ATF6B: variants seen among roughly 807,000 people sequenced by gnomAD.
ATF6B encodes the protein cyclic AMP-dependent transcription factor ATF-6 beta.
Under a neutral mutation model 83.5 loss-of-function variants are expected in ATF6B, and 50 were observed. The ratio of observed to expected loss-of-function variants is 0.60; its 90% CI spans 0.48 to 0.76. The LOEUF (loss-of-function observed/expected upper bound fraction) is 0.76. Ranked by LOEUF, ATF6B falls within the 30% of genes least tolerant of loss-of-function variation. The pLI is 0.00. For missense variants in ATF6B, 790 were observed against 893.8 expected (o/e 0.88, Z 1.48); for synonymous variants, 344 against 362.8 (o/e 0.95, Z 0.59).
rs1562903671 is a variant in ATF6B, at chr6:32,117,840, C to T, written c.1424+19G>A. ...CTCATACCCTCAAACGAGAGGGGGCCCTCTCTCTCTCTCCTCACCTGAAAC... is the reference window on the plus strand; with the variant it reads ...CTCATACCCTCAAACGAGAGGGGGCTCTCTCTCTCTCTCCTCACCTGAAAC... On this transcript the variant is annotated intron_variant, in intron 12 of 17. Transcript: ENST00000375203. This position sits in a 1 kb window ranked among gnomAD's most constrained non-coding sequence, Gnocchi z 5.0. 7.1e-6 allele frequency: 11 copies of T among 1,547,720 alleles called. No homozygotes were observed. Among genetic ancestry groups the T allele is most frequent in the Middle Eastern group, 1.9e-4 (1 of 5,348 alleles).
Position 32,119,794 on chromosome 6 carries a change from C to G in ATF6B, c.966+30G>C. On this transcript the variant is annotated intron_variant, in intron 9 of 17. Coordinates refer to ENST00000375203, the MANE Select transcript of ATF6B (RefSeq NM_004381.5). The surrounding 1 kb of genome is among the most constrained non-coding windows in gnomAD (Gnocchi z 4.9). ...ACTTCCCTCTTCCCTTCCCATCACTCGCCCTACTTCTCTCCTCCCCAACAC... is the reference window on the plus strand; with the variant it reads ...ACTTCCCTCTTCCCTTCCCATCACTGGCCCTACTTCTCTCCTCCCCAACAC... 6.2e-7 allele frequency: 1 copy of G among 1,609,180 alleles called. No homozygotes were observed. Among genetic ancestry groups the G allele is most frequent in the South Asian group, 1.1e-5 (1 of 90,572 alleles).
intron 1 of ATF6B, 26 bp downstream of exon 1, chr6:32,128,091 G>A (rs1245599899): frequency 1.2e-6 from 2 of 1,611,156 alleles, no homozygotes; most frequent in East Asian, 4.5e-5. Flanking sequence ...GTTTGCCACA[G>A]CCCTCTCCCC....
At chr6:32,120,567 C>T in intron 8 of ATF6B, 1 of 495,202 alleles carries the variant, frequency 2.0e-6, no homozygotes, top group South Asian at 3.4e-5. Context: ...TCTCCTGCCT[C>T]AGCCTCCCGA....
chr6:32,121,139 C>G lies in ATF6B; in HGVS notation c.565-15G>C. ...CCTATAAAAGCCTATGTGGGGCATT[C>G]CAGAGATACATTAGTCAGGAAGAGT... On this transcript the variant is annotated splice_polypyrimidine_tract_variant and intron_variant, in intron 6 of 17. Coordinates refer to ENST00000375203, the MANE Select transcript of ATF6B (RefSeq NM_004381.5). 1 of 1,599,290 alleles carries G rather than the reference C, an allele frequency of 6.3e-7. No individual in the cohort carries two copies. Among genetic ancestry groups the G allele is most frequent in the Non-Finnish European group, 8.5e-7 (1 of 1,172,122 alleles).
Position 32,118,782 on chromosome 6 carries a change from G to T in ATF6B, c.1237C>A (p.Pro413Thr). The T allele has an allele frequency of 6.2e-7, 1 of 1,614,192 alleles. No homozygotes were observed. The highest frequency in any genetic ancestry group is 8.5e-7 in the Non-Finnish European group (1 of 1,179,996). The change falls in exon 11 of 18, where the codon CCT (proline) becomes ACT (threonine). Residue 413 changes from proline to threonine, a missense_variant. Physicochemically the swap from Pro to Thr is conservative, Grantham distance 38. Transcript: ENST00000375203. This position sits in a 1 kb window ranked among gnomAD's most constrained non-coding sequence, Gnocchi z 5.2. ...FLLFIAFNFGPVSISEPPSAP... is the reference protein window; with the variant it reads ...FLLFIAFNFGTVSISEPPSAP... ...AAGCAAGGAAGGTCTCACCTGACAGGTCCAAAGTTGAAGGCAATGAAGAGA... is the reference window on the plus strand; with the variant it reads ...AAGCAAGGAAGGTCTCACCTGACAGTTCCAAAGTTGAAGGCAATGAAGAGA...
rs866795679 is a variant in ATF6B, at chr6:32,115,812, C to T, written c.2039G>A (p.Gly680Asp). The T allele has an allele frequency of 2.6e-5, 42 of 1,613,652 alleles. No homozygotes were observed. In the Middle Eastern group the frequency reaches 6.6e-4, roughly 25 times the overall value. Reference sequence around the variant, plus strand: ...GCTGGCTGCAGAGACTGGCAAGGGGCCACCTGTGGCATTGCCTGGGGTTGG... The same window carrying T: ...GCTGGCTGCAGAGACTGGCAAGGGGTCACCTGTGGCATTGCCTGGGGTTGG... ...PSPTPGNATG[G>D]PLPVSAASQA... is the part of the protein sequence containing the mutation. The change falls in exon 18 of 18, where the codon GGC (glycine) becomes GAC (aspartate). Residue 680 changes from glycine (G) to aspartate (D), a missense_variant. Coordinates refer to ENST00000375203, the MANE Select transcript of ATF6B (RefSeq NM_004381.5).
At position 32,128,202 on chromosome 6, in the gene ATF6B, C is replaced by T. The variant is rs1296219865; in HGVS notation, c.6G>A (p.Ala2=). 3 of 1,611,396 alleles carry T rather than the reference C, an allele frequency of 1.9e-6. No individual in the cohort carries two copies. The African/African-American group carries it at 4.0e-5, about 22-fold the overall frequency. The part of the protein sequence containing the change: M[A]ELMLLSEIAD... Reference sequence around the variant, plus strand: ...CAATCTCGCTGAGCAGCATCAGCTCCGCCATCTTTCCCCCCCACCCCCCAA... The same window carrying T: ...CAATCTCGCTGAGCAGCATCAGCTCTGCCATCTTTCCCCCCCACCCCCCAA... Residue 2 remains alanine, a synonymous_variant, in exon 1 of 18, where the codon GCG becomes GCA. Transcript: ENST00000375203.
intron 5 of ATF6B, among the ~76,000 whole-genome samples, chr6:32,124,546 C>T (rs565644071): frequency 3.5e-4 from 54 of 152,330 alleles, no homozygotes; most frequent in African/African-American, 1.3e-3. Flanking sequence ...CATATTACTT[C>T]CCTGCTTAAT....
chr6:32,116,483 TG>T lies in ATF6B; in HGVS notation c.1878del (p.Asn627MetfsTer16). ...KMSLVMPAMA[P>X]NETLSGRGAP... ...TACCCAGCAGGGAAAGAGTTACCAT[TG>T]GGGGCCATGGCAGGCATCACCAGGG... On this transcript the variant is annotated frameshift_variant, in exon 17 of 18. Transcript: ENST00000375203. LOFTEE classifies it high-confidence loss of function. This position sits in a 1 kb window ranked among gnomAD's most constrained non-coding sequence, Gnocchi z 5.1. 2.5e-6 allele frequency: 4 copies of T among 1,609,822 alleles called. No homozygotes were observed. Among genetic ancestry groups the T allele is most frequent in the Non-Finnish European group, 3.4e-6 (4 of 1,177,618 alleles).
At chr6:32,124,609 G>C (rs1159583443) in intron 5 of ATF6B, among the ~76,000 whole-genome samples, 1 of 152,128 alleles carries the variant, frequency 6.6e-6, no homozygotes, top group Non-Finnish European at 1.5e-5. Context: ...CCCCTTAGCA[G>C]GGGCCCCACC....
rs1301144096 is a variant in ATF6B at position 32,118,081 on chromosome 6, G to A, written c.1245-43C>T. On this transcript the variant is annotated intron_variant, in intron 11 of 17. Transcript: ENST00000375203. This position sits in a 1 kb window ranked among gnomAD's most constrained non-coding sequence, Gnocchi z 5.2. The stretch of plus-strand genomic sequence containing the variant: ...CTGAGCACAATGAAGAATTTCAGCT[G>A]TATCAAGTATCTAGGTAAGAATAAA... The A allele has an allele frequency of 8.7e-6, 14 of 1,609,874 alleles. No homozygotes were observed. The highest frequency in any genetic ancestry group is 2.7e-5 in the African/African-American group (2 of 74,834).
rs1781553173 is a variant in ATF6B, at chr6:32,116,942, G to A, written c.1685+95C>T. The A allele has an allele frequency of 5.2e-6, 8 of 1,533,238 alleles. No individual in the cohort carries two copies. The Admixed American group carries it at 1.4e-4, about 26-fold the overall frequency. The allele number at this position is 1,533,238 out of a possible 1,614,324, so 95.0% of individuals were successfully genotyped here. A position where few individuals can be genotyped will look rare whatever the true frequency, so the allele number is the denominator to read the frequency against. ...TGGAGGAGGGAGGTATAATCCCACTGGTGACAGTAATGACAGGCACAGGAC... is the reference window on the plus strand; with the variant it reads ...TGGAGGAGGGAGGTATAATCCCACTAGTGACAGTAATGACAGGCACAGGAC... On this transcript the variant is annotated intron_variant, in intron 15 of 17. Coordinates refer to ENST00000375203, the MANE Select transcript of ATF6B (RefSeq NM_004381.5). This position sits in a 1 kb window ranked among gnomAD's most constrained non-coding sequence, Gnocchi z 5.1.
chr6:32,123,702 C>A (rs1781857074), intron 5 of ATF6B, among the ~76,000 whole-genome samples: 1 of 152,048 alleles, frequency 6.6e-6, no homozygotes, highest in Non-Finnish European at 1.5e-5. Context: ...AATGGTATTT[C>A]AATCCTTATT....
chr6:32,119,925 G>A lies in ATF6B; in HGVS notation c.865C>T (p.Arg289Ter), dbSNP rs759543441. 5 of 1,614,100 alleles carry A rather than the reference G, an allele frequency of 3.1e-6. No individual in the cohort carries two copies. Among genetic ancestry groups the A allele is most frequent in the South Asian group, 1.1e-5 (1 of 91,074 alleles). Residue 289 changes from arginine (R) to a stop codon, truncating the protein, a stop_gained, in exon 9 of 18, where the codon CGA becomes TGA. Coordinates refer to ENST00000375203, the MANE Select transcript of ATF6B (RefSeq NM_004381.5). LOFTEE classifies it high-confidence loss of function. This position sits in a 1 kb window ranked among gnomAD's most constrained non-coding sequence, Gnocchi z 4.9. ...GGAGCCGGCCCTTCAGGCTGGACTC[G>A]AATAGCACCCTGGATGAGGACAACT... ...SPVVLIQGAI[R>*]VQPEGPAPSL...
Position 32,118,764 on chromosome 6 carries a change from G to A in ATF6B, c.1244+11C>T, listed in dbSNP as rs746137623. The A allele has an allele frequency of 6.2e-7, 1 of 1,613,474 alleles. No individual in the cohort carries two copies. The highest frequency in any genetic ancestry group is 2.2e-5 in the East Asian group (1 of 44,882). ...ACCTGGAAGGTTCTAGTGAAGCAAG[G>A]AAGGTCTCACCTGACAGGTCCAAAG... On this transcript the variant is annotated intron_variant, in intron 11 of 17. Transcript: ENST00000375203. The surrounding 1 kb of genome is among the most constrained non-coding windows in gnomAD (Gnocchi z 5.2).
At position 32,128,211 on chromosome 6, in the gene ATF6B, T is replaced by TGGGGCCC; in HGVS notation, c.-5_-4insGGGCCCC. ...TGAGCAGCATCAGCTCCGCCATCTTTCCCCCCCACCCCCCAACCAGGAGAC... is the reference window on the plus strand; with the variant it reads ...TGAGCAGCATCAGCTCCGCCATCTTTGGGGCCCCCCCCCCACCCCCCAACCAGGAGAC... On this transcript the variant is annotated 5_prime_UTR_variant, in exon 1 of 18. Transcript: ENST00000375203. The TGGGGCCC allele has an allele frequency of 2.0e-6, 3 of 1,536,774 alleles. No homozygotes were observed. Among genetic ancestry groups the TGGGGCCC allele is most frequent in the Non-Finnish European group, 2.7e-6 (3 of 1,131,398 alleles).
At chr6:32,127,890 G>A in intron 1 of ATF6B, 140 bp from the exon 2 acceptor site, 1 of 1,051,838 alleles carries the variant, frequency 9.5e-7, no homozygotes, top group Non-Finnish European at 1.4e-6. Context: ...CAACCAGGGC[G>A]CTTCAGCCCC....
chr6:32,124,685 T>C (rs535085893), intron 5 of ATF6B, among the ~76,000 whole-genome samples: 40 of 152,262 alleles, frequency 2.6e-4, no homozygotes, highest in South Asian at 8.3e-4. Flanking sequence ...TCTGAAGAAA[T>C]GCAGGGTCCT....
Position 32,118,812 on chromosome 6 carries a change from A to C in ATF6B, c.1207T>G (p.Phe403Val). ...GNRKVVCIMVFLLFIAFNFGP... is the reference protein window; with the variant it reads ...GNRKVVCIMVVLLFIAFNFGP... ...AAGTTGAAGGCAATGAAGAGAAGGA[A>C]GACCATGATGCAGACCACCTTCCTG... Residue 403 changes from phenylalanine (F) to valine (V), a missense_variant, in exon 11 of 18, where the codon TTC becomes GTC. Physicochemically the swap from Phe to Val is conservative, Grantham distance 50. Transcript: ENST00000375203. This position sits in a 1 kb window ranked among gnomAD's most constrained non-coding sequence, Gnocchi z 5.2. 2 of 1,614,280 alleles carry C rather than the reference A, an allele frequency of 1.2e-6. No homozygotes were observed. The highest frequency in any genetic ancestry group is 1.7e-6 in the Non-Finnish European group (2 of 1,180,056).
Sources: allele counts gnomAD v4.1 joint callset (sites outside exome capture counted in the v4.1 genomes callset), GRCh38; gene constraint gnomAD v4.1.1; non-coding constraint Gnocchi (gnomAD v3.1); transcripts MANE v1.5; gene names NCBI Gene and HGNC (gene_info 2026-07-23, HGNC 2026-07-21).